TENM3: variants seen among roughly 807,000 people sequenced by gnomAD.
TENM3 encodes teneurin transmembrane protein 3.
In TENM3, 63 loss-of-function variants were observed where a neutral mutation model predicts 255.1. The ratio of observed to expected loss-of-function variants is 0.25; its 90% CI spans 0.20 to 0.30. The LOEUF (loss-of-function observed/expected upper bound fraction) is 0.30, where lower values mean the gene tolerates loss of function less well. Among genes scored for constraint, TENM3 ranks in the 10% least tolerant of loss-of-function variants. TENM3 has a pLI of 1.00. For missense variants in TENM3, 2,929 were observed against 3,461.1 expected, an observed-to-expected ratio of 0.85 and a Z score of 3.86; for synonymous variants, 1,306 against 1,322.3, an observed-to-expected ratio of 0.99 and a Z score of 0.27.
At chr4:182,529,013 T>C (rs1259520011) in intron 3 of TENM3, among the ~76,000 whole-genome samples, 2 of 152,252 alleles carry the variant, frequency 1.3e-5, no homozygotes, top group Non-Finnish European at 2.9e-5. Flanking sequence ...TCTGCTTACC[T>C]GTGTCAACGT....
At chr4:182,502,936 T>TA (rs1553967278) in intron 3 of TENM3, among the ~76,000 whole-genome samples, 8 of 145,242 alleles carry the variant, frequency 5.5e-5, no homozygotes, top group Non-Finnish European at 1.1e-4. Flanking sequence ...TTTTTTTTTT[T>TA]ACTTACCTGC....
intron 3 of TENM3, among the ~76,000 whole-genome samples, chr4:182,546,720 T>C (rs1741487405): frequency 6.6e-6 from 1 of 152,188 alleles, no homozygotes; most frequent in African/African-American, 2.4e-5. Flanking sequence ...TGCAAAGAAA[T>C]AGGGAATCCT....
intron 12 of TENM3, among the ~76,000 whole-genome samples, chr4:182,703,604 A>G (rs530876773): frequency 3.9e-5 from 6 of 152,200 alleles, no homozygotes; most frequent in Non-Finnish European, 8.8e-5. Flanking sequence ...CTCACCTACA[A>G]ATACAGCAAA....
chr4:182,787,066 G>A (rs1046553660), intron 24 of TENM3, among the ~76,000 whole-genome samples: 2 of 152,088 alleles, frequency 1.3e-5, no homozygotes, highest in Non-Finnish European at 2.9e-5. Context: ...GTAACTAGCC[G>A]GTAGCTTCTT....
chr4:182,685,854 G>T (rs1455928988), intron 11 of TENM3, among the ~76,000 whole-genome samples: 3 of 151,862 alleles, frequency 2.0e-5, no homozygotes, highest in Non-Finnish European at 2.9e-5. Flanking sequence ...TTTTATAAAG[G>T]GTAGTTTGTA....
At chr4:181,918,235 T>C in the TENM3 span, among the ~76,000 whole-genome samples, 2 of 152,212 alleles carry the variant, frequency 1.3e-5, no homozygotes, top group Non-Finnish European at 2.9e-5. Flanking sequence ...AAAATTTGCA[T>C]ATTCATTCTA....
At chr4:182,096,005 T>C in the TENM3 span, among the ~76,000 whole-genome samples, 1 of 151,774 alleles carries the variant, frequency 6.6e-6, no homozygotes, top group Admixed American at 6.6e-5. Flanking sequence ...GGCACACGCC[T>C]GTAAGTCCCA....
chr4:181,609,925 G>T, the TENM3 span, among the ~76,000 whole-genome samples: 1 of 151,218 alleles, frequency 6.6e-6, no homozygotes, highest in Non-Finnish European at 1.5e-5. Context: ...AAGGTCTTTT[G>T]AAGAATAATA....
At chr4:181,991,361 C>G in the TENM3 span, among the ~76,000 whole-genome samples, 137 of 152,236 alleles carry the variant, frequency 9.0e-4, no homozygotes, top group Non-Finnish European at 1.5e-3. Context: ...CACTAGCTTG[C>G]CTTTTCCATG....
At chr4:182,737,962 T>C (rs2152726318) in intron 17 of TENM3, among the ~76,000 whole-genome samples, 1 of 152,322 alleles carries the variant, frequency 6.6e-6, no homozygotes, top group East Asian at 1.9e-4. Context: ...AGCTTTTTTG[T>C]TCCATTGAAC....
intron 1 of TENM3, among the ~76,000 whole-genome samples, chr4:182,149,871 G>A (rs1371982084): frequency 1.3e-5 from 2 of 151,974 alleles, no homozygotes; most frequent in Non-Finnish European, 2.9e-5. Flanking sequence ...TCATAGTTCT[G>A]TAGTTTGTAC....
chr4:181,912,780 A>G, the TENM3 span, among the ~76,000 whole-genome samples: 1 of 152,192 alleles, frequency 6.6e-6, no homozygotes, highest in Admixed American at 6.5e-5. Context: ...AAAAAAAAAA[A>G]AAAAAAAGAT....
intron 1 of TENM3, among the ~76,000 whole-genome samples, chr4:182,255,299 C>T (rs1758317751): frequency 6.6e-6 from 1 of 152,176 alleles, no homozygotes; most frequent in South Asian, 2.1e-4. Flanking sequence ...CCCCAAAGCA[C>T]AAACTTTGTA....
chr4:181,450,139 C>A, the TENM3 span, among the ~76,000 whole-genome samples: 2 of 152,036 alleles, frequency 1.3e-5, no homozygotes, highest in Non-Finnish European at 2.9e-5. Flanking sequence ...AAAACTTAAG[C>A]CCTTGAAAGT....
At chr4:181,493,976 C>T in the TENM3 span, among the ~76,000 whole-genome samples, 1 of 152,086 alleles carries the variant, frequency 6.6e-6, no homozygotes, top group African/African-American at 2.4e-5. Flanking sequence ...TCATATAGGG[C>T]TAGGCAGTAA....
At chr4:182,733,699 G>C (rs1257377824) in intron 16 of TENM3, among the ~76,000 whole-genome samples, 1 of 152,196 alleles carries the variant, frequency 6.6e-6, no homozygotes, top group Non-Finnish European at 1.5e-5. Context: ...GACAGGCAAA[G>C]ATGTTGCAAT....
intron 17 of TENM3, among the ~76,000 whole-genome samples, chr4:182,738,164 A>G (rs576536682): frequency 1.3e-5 from 2 of 152,128 alleles, no homozygotes; most frequent in African/African-American, 4.8e-5. Context: ...AAGGGGTGGT[A>G]TGGGGAAAAA....
At chr4:182,574,091 T>G (rs575779814) in intron 3 of TENM3, among the ~76,000 whole-genome samples, 2 of 152,272 alleles carry the variant, frequency 1.3e-5, no homozygotes, top group Admixed American at 1.3e-4. Flanking sequence ...CCTTCTCCAT[T>G]CATGACTCAA....
chr4:181,977,487 T>A, the TENM3 span, among the ~76,000 whole-genome samples: 1 of 152,266 alleles, frequency 6.6e-6, no homozygotes, highest in African/African-American at 2.4e-5. Context: ...TTAATCTAAT[T>A]AGGGGAATGG....
Sources: allele counts gnomAD v4.1 joint callset (sites outside exome capture counted in the v4.1 genomes callset), GRCh38; gene constraint gnomAD v4.1.1; transcripts MANE v1.5; gene names NCBI Gene and HGNC (gene_info 2026-07-23, HGNC 2026-07-21).